WWOX: variants seen among roughly 807,000 people sequenced by gnomAD.
WWOX encodes WW domain containing oxidoreductase.
A neutral mutation model predicts 46.2 loss-of-function variants in WWOX; 69 were observed. The ratio of observed to expected loss-of-function variants is 1.49; its 90% confidence interval spans 1.23 to 1.82. The LOEUF (loss-of-function observed/expected upper bound fraction) is 1.82. WWOX is among the 40% of genes most tolerant of loss of function. WWOX has a pLI of 0.00. For missense variants in WWOX, 919 were observed against 542.6 expected, an observed-to-expected ratio of 1.69 and a Z score of -6.89; for synonymous variants, 359 against 202.6, an observed-to-expected ratio of 1.77 and a Z score of -6.56.
At chr16:78,631,472 G>C (rs762559574) in intron 8 of WWOX, among the ~76,000 whole-genome samples, 8 of 151,356 alleles carry the variant, frequency 5.3e-5, no homozygotes, top group Non-Finnish European at 1.0e-4. Flanking sequence ...AGCTAAATCA[G>C]TTTAATTTAT....
At chr16:79,152,875 A>G (rs1021729167) in intron 8 of WWOX, among the ~76,000 whole-genome samples, 7 of 152,178 alleles carry the variant, frequency 4.6e-5, no homozygotes, top group African/African-American at 1.4e-4. Flanking sequence ...AGAACGGAGT[A>G]CCCAGTTGCA....
chr16:78,427,049 T>G (rs900561972), intron 7 of WWOX, among the ~76,000 whole-genome samples: 7 of 152,156 alleles, frequency 4.6e-5, no homozygotes, highest in Admixed American at 4.6e-4. Context: ...ATCCCTTGGC[T>G]CCCATGAGTG....
chr16:79,132,549 T>A (rs1171110293), intron 8 of WWOX, among the ~76,000 whole-genome samples: 3 of 152,194 alleles, frequency 2.0e-5, no homozygotes, highest in Non-Finnish European at 4.4e-5. Flanking sequence ...TGTTTCTTGA[T>A]CTCGATAGCA....
At chr16:79,079,942 T>G (rs1274742222) in intron 8 of WWOX, among the ~76,000 whole-genome samples, 2 of 92,202 alleles carry the variant, frequency 2.2e-5, no homozygotes, top group Admixed American at 1.1e-4. Flanking sequence ...TTCCACCCCC[T>G]GGGATGCTGA....
At chr16:78,342,342 A>G (rs1056634929) in intron 5 of WWOX, among the ~76,000 whole-genome samples, 1 of 120,770 alleles carries the variant, frequency 8.3e-6, no homozygotes, top group Non-Finnish European at 2.0e-5. Flanking sequence ...TCCACCCTAC[A>G]CAACCACTCG....
intron 8 of WWOX, among the ~76,000 whole-genome samples, chr16:78,554,196 G>C (rs2044235967): frequency 6.6e-6 from 1 of 152,152 alleles, no homozygotes; most frequent in Non-Finnish European, 1.5e-5. Flanking sequence ...GAGCAGGGAT[G>C]GGGAGGACTT....
At chr16:78,926,168 G>A (rs2045492861) in intron 8 of WWOX, among the ~76,000 whole-genome samples, 1 of 152,268 alleles carries the variant, frequency 6.6e-6, no homozygotes, top group East Asian at 1.9e-4. Flanking sequence ...GAGCCCAGGA[G>A]TTTGAGACCA....
At chr16:78,696,642 C>CT (rs1427039630) in intron 8 of WWOX, among the ~76,000 whole-genome samples, 3 of 151,004 alleles carry the variant, frequency 2.0e-5, no homozygotes, top group Non-Finnish European at 4.4e-5. Flanking sequence ...TGTAAGTGTT[C>CT]TTTTTTATAT....
At chr16:78,315,878 A>G (rs975977441) in intron 5 of WWOX, among the ~76,000 whole-genome samples, 2 of 152,078 alleles carry the variant, frequency 1.3e-5, no homozygotes, top group African/African-American at 2.4e-5. Context: ...GCCACAGTAG[A>G]TGTATCTGTA....
At chr16:79,050,517 T>C (rs1444998306) in intron 8 of WWOX, among the ~76,000 whole-genome samples, 2 of 152,154 alleles carry the variant, frequency 1.3e-5, no homozygotes, top group Admixed American at 1.3e-4. Context: ...ATAAATCACA[T>C]GGCTGAGCTC....
chr16:78,495,899 G>C (rs1442712966), intron 8 of WWOX: 1 of 152,144 alleles, frequency 6.6e-6, no homozygotes, highest in Non-Finnish European at 1.5e-5. Context: ...TCGGTTACTA[G>C]TTAGGTAAAG....
At chr16:78,172,151 C>G (rs11859624) in intron 5 of WWOX, among the ~76,000 whole-genome samples, 7,926 of 152,184 alleles carry the variant, frequency 0.052, 333 homozygotes, top group East Asian at 0.24. Flanking sequence ...GTATTGTACT[C>G]ATACATTATT....
At chr16:78,205,040 T>C (rs2036348657) in intron 5 of WWOX, among the ~76,000 whole-genome samples, 1 of 152,238 alleles carries the variant, frequency 6.6e-6, no homozygotes, top group African/African-American at 2.4e-5. Flanking sequence ...GACACTCTTA[T>C]GGCAGACATG....
chr16:78,976,071 G>A (rs1260130016), intron 8 of WWOX, among the ~76,000 whole-genome samples: 1 of 152,110 alleles, frequency 6.6e-6, no homozygotes, highest in Non-Finnish European at 1.5e-5. Flanking sequence ...GCAACATTAG[G>A]GCATTGTTAT....
In WWOX at chr16:78,443,085, A is replaced by G. The variant is rs570558750; in HGVS notation, c.1056+10333A>G. 1.1e-3 allele frequency among the ~76,000 whole-genome samples: 167 copies of G among 147,682 alleles called. 1 individual carries two copies. The highest frequency in any genetic ancestry group is 2.0e-3 in the Non-Finnish European group (134 of 67,134). On this transcript the variant is annotated intron_variant, in intron 8 of 8. Transcript: ENST00000566780. ...CGGGAGGTGGAGGTTGCAGTGAGCC[A>G]AGATCGCACCACTGCACTCCAGCCT...
intron 8 of WWOX, among the ~76,000 whole-genome samples, chr16:78,847,326 G>A (rs1244606101): frequency 1.3e-5 from 2 of 151,952 alleles, no homozygotes; most frequent in Admixed American, 6.5e-5. Context: ...GTATCTCTGT[G>A]TATATTATAA....
rs1220702069 is a variant in WWOX at position 78,725,344 on chromosome 16, C to CTT, written c.1056+292611_1056+292612dup. Among the ~76,000 whole-genome samples, 304 of 61,830 alleles carry CTT rather than the reference C, an allele frequency of 4.9e-3. 10 individuals carry two copies. Among genetic ancestry groups the CTT allele is most frequent in the Non-Finnish European group, 6.8e-3 (245 of 35,980 alleles). 40.6% of individuals were successfully genotyped at this position (61,830 alleles called of 152,430 possible). On this transcript the variant is annotated intron_variant, in intron 8 of 8. Coordinates refer to ENST00000566780, the MANE Select transcript of WWOX (RefSeq NM_016373.4). Reference sequence around the variant, plus strand: ...TTCCTTTTTTCTTTTCTTTTCTTTTCTTTTTTTTTTTTTTTTTTTTGAGAT... The same window carrying CTT: ...TTCCTTTTTTCTTTTCTTTTCTTTTCTTTTTTTTTTTTTTTTTTTTTTGAGAT...
intron 4 of WWOX, among the ~76,000 whole-genome samples, chr16:78,141,824 T>A (rs1477238956): frequency 6.6e-6 from 1 of 152,072 alleles, no homozygotes; most frequent in Non-Finnish European, 1.5e-5. Flanking sequence ...TATACGGTGC[T>A]AAACAATGGA....
At chr16:78,787,197 AT>A (rs1401074456) in intron 8 of WWOX, among the ~76,000 whole-genome samples, 1 of 152,168 alleles carries the variant, frequency 6.6e-6, no homozygotes, top group Non-Finnish European at 1.5e-5. Flanking sequence ...CACTTTGACC[AT>A]TTTAAAGTGT....
Sources: allele counts gnomAD v4.1 joint callset (sites outside exome capture counted in the v4.1 genomes callset), GRCh38; gene constraint gnomAD v4.1.1; transcripts MANE v1.5; gene names NCBI Gene and HGNC (gene_info 2026-07-23, HGNC 2026-07-21).